Variants in GLP2R observed in about 807,000 individuals in gnomAD.
The protein encoded by GLP2R is glucagon like peptide 2 receptor, also known as glucagon-like peptide 2 receptor.
In GLP2R, 59 loss-of-function variants were observed where a neutral mutation model predicts 68.2. The ratio of observed to expected loss-of-function variants is 0.87; its 90% confidence interval spans 0.70 to 1.07. GLP2R has a LOEUF of 1.07. Ranked by LOEUF, GLP2R falls within the 50% of genes least tolerant of loss-of-function variation. The pLI, the probability that GLP2R is intolerant of heterozygous loss-of-function variation, is 0.00. For missense variants in GLP2R, 548 were observed against 677.4 expected, an observed-to-expected ratio of 0.81 and a Z score of 2.12; for synonymous variants, 270 against 265.4, an observed-to-expected ratio of 1.02 and a Z score of -0.17.
intron 7 of GLP2R, 70 bp from the exon 8 acceptor site, chr17:9,861,069 C>A: frequency 9.4e-7 from 1 of 1,061,162 alleles, no homozygotes; most frequent in Non-Finnish European, 1.5e-6. Flanking sequence ...TAGCCTCATC[C>A]GCTGTGGTGG....
In GLP2R at chr17:9,890,418, CCT is replaced by C. The variant is rs202065120; in HGVS notation, c.*724_*725del. On this transcript the variant is annotated 3_prime_UTR_variant, in exon 13 of 13. Coordinates refer to ENST00000262441, the MANE Select transcript of GLP2R (RefSeq NM_004246.3). ...GCTCTTCCTCTCCTATCAAGTCTTG[CCT>C]CTCTCTCTCTTTGCCTCAGTTCTCT... The C allele has an allele frequency of 7.0e-4, 140 of 200,008 alleles. No homozygotes were observed. The highest frequency in any genetic ancestry group is 6.1e-3 in the Middle Eastern group (3 of 492). The allele number at this position is 200,008 out of a possible 1,614,324, so 12.4% of individuals were successfully genotyped here. A position where few individuals can be genotyped will look rare whatever the true frequency, so the allele number is the denominator to read the frequency against.
Position 9,877,474 on chromosome 17 carries a change from A to G in GLP2R, c.1146-2904A>G, listed in dbSNP as rs147449924. Reference sequence around the variant, plus strand: ...TCTGTACTAAACGAAATGTGGGATCAGGGAACAGGAAAAGGACATTAGCGG... The same window carrying G: ...TCTGTACTAAACGAAATGTGGGATCGGGGAACAGGAAAAGGACATTAGCGG... On this transcript the variant is annotated intron_variant, in intron 10 of 12. Coordinates refer to ENST00000262441, the MANE Select transcript of GLP2R (RefSeq NM_004246.3). Among the ~76,000 whole-genome samples the G allele has an allele frequency of 8.3e-4, 126 of 152,370 alleles. 1 individual carries two copies. Among genetic ancestry groups the G allele is most frequent in the African/African-American group, 2.9e-3 (120 of 41,592 alleles).
intron 3 of GLP2R, among the ~76,000 whole-genome samples, chr17:9,839,604 GC>G (rs1291092081): frequency 6.6e-6 from 1 of 151,922 alleles, no homozygotes; most frequent in African/African-American, 2.4e-5. Flanking sequence ...CTCAGATCTG[GC>G]CCCCTCCAGG....
chr17:9,887,910 C>T, intron 11 of GLP2R, 22 bp from the exon 12 acceptor site: 1 of 1,595,794 alleles, frequency 6.3e-7, no homozygotes, highest in Non-Finnish European at 8.6e-7. Flanking sequence ...AGATTTTATG[C>T]CATGTCCTCC....
rs550514039 is a variant in GLP2R at position 9,869,469 on chromosome 17, C to A, written c.1057-1278C>A. 4.6e-5 allele frequency among the ~76,000 whole-genome samples: 7 copies of A among 152,358 alleles called. No individual in the cohort carries two copies. In the South Asian group the frequency reaches 1.4e-3, roughly 32 times the overall value. ...CTCATTCTCCAAGCTCTACCCAAAC[C>A]CAGCCACCTGCTTTTCACCACTTCC... is the stretch of plus-strand genomic sequence containing the variant. On this transcript the variant is annotated intron_variant, in intron 9 of 12. Transcript: ENST00000262441.
chr17:9,831,255 C>A (rs983142506), intron 1 of GLP2R, among the ~76,000 whole-genome samples: 1 of 152,162 alleles, frequency 6.6e-6, no homozygotes, highest in African/African-American at 2.4e-5. Context: ...GTGATATTAG[C>A]CCAGATCATT....
At chr17:9,886,532 C>T (rs1159755507) in intron 11 of GLP2R, among the ~76,000 whole-genome samples, 8 of 152,336 alleles carry the variant, frequency 5.3e-5, no homozygotes, top group African/African-American at 9.6e-5. Flanking sequence ...TTACCTGTCC[C>T]GCCAACCGCA....
In GLP2R at chr17:9,889,961, T is replaced by G; in HGVS notation, c.*256T>G. The G allele has an allele frequency of 1.8e-6, 1 of 559,726 alleles. No homozygotes were observed. The highest frequency in any genetic ancestry group is 1.9e-5 in the African/African-American group (1 of 53,882). 34.7% of individuals were successfully genotyped at this position (559,726 alleles called of 1,614,324 possible). On this transcript the variant is annotated 3_prime_UTR_variant, in exon 13 of 13. Transcript: ENST00000262441. The stretch of plus-strand genomic sequence containing the variant: ...GTTTTCCACAATGCCCACCAGACCC[T>G]AGGGCCTGGCTCTAAATTCAAGCCA...
At chr17:9,848,867 T>TTGTGTG (rs144324194) in intron 4 of GLP2R, among the ~76,000 whole-genome samples, 5,213 of 139,276 alleles carry the variant, frequency 0.037, 287 homozygotes, top group African/African-American at 0.12. Context: ...TTAAAGGAGA[T>TTGTGTG]TGTGTGTGTG....
chr17:9,860,826 G>T (rs1289562462), intron 7 of GLP2R, among the ~76,000 whole-genome samples: 1 of 152,186 alleles, frequency 6.6e-6, no homozygotes, highest in Non-Finnish European at 1.5e-5. Context: ...GGAGAATTTG[G>T]TGCTACAGGA....
intron 6 of GLP2R, among the ~76,000 whole-genome samples, chr17:9,857,868 T>G (rs752990172): frequency 6.6e-6 from 1 of 152,222 alleles, no homozygotes; most frequent in Non-Finnish European, 1.5e-5. Flanking sequence ...TTTACAATTA[T>G]AGCTGGCCCT....
chr17:9,846,578 C>G (rs1013873656), intron 4 of GLP2R, among the ~76,000 whole-genome samples: 1 of 152,168 alleles, frequency 6.6e-6, no homozygotes, highest in South Asian at 2.1e-4. Context: ...ACGATTGTGC[C>G]ACTGCACTCC....
chr17:9,829,680 T>G lies in GLP2R; in HGVS notation c.189+3428T>G, dbSNP rs566528829. Reference sequence around the variant, plus strand: ...AAACATAAAAGGCTTTGAAACAAGATTATTCCCTTTGAAGTCACAATAAAA... The same window carrying G: ...AAACATAAAAGGCTTTGAAACAAGAGTATTCCCTTTGAAGTCACAATAAAA... On this transcript the variant is annotated intron_variant, in intron 1 of 12. Coordinates refer to ENST00000262441, the MANE Select transcript of GLP2R (RefSeq NM_004246.3). Among the ~76,000 whole-genome samples the G allele has an allele frequency of 5.9e-5, 9 of 152,270 alleles. No individual in the cohort carries two copies. In the South Asian group the frequency reaches 1.9e-3, roughly 32 times the overall value.
At chr17:9,884,889 A>G (rs997084262) in intron 11 of GLP2R, among the ~76,000 whole-genome samples, 1 of 151,824 alleles carries the variant, frequency 6.6e-6, no homozygotes. Context: ...GGGAAAAAAA[A>G]CTCTGCAGCT....
rs1020123820 is a variant in GLP2R, at chr17:9,891,339, T to A, written c.*1634T>A. Reference sequence around the variant, plus strand: ...TCTCTAAAAAGCTCAAAGTAAATGATCAAAATAAATCATATTTTAATGCAA... The same window carrying A: ...TCTCTAAAAAGCTCAAAGTAAATGAACAAAATAAATCATATTTTAATGCAA... On this transcript the variant is annotated 3_prime_UTR_variant, in exon 13 of 13. Coordinates refer to ENST00000262441, the MANE Select transcript of GLP2R (RefSeq NM_004246.3). The A allele has an allele frequency of 6.6e-6, 1 of 152,226 alleles. No individual in the cohort carries two copies. Among genetic ancestry groups the A allele is most frequent in the South Asian group, 2.1e-4 (1 of 4,810 alleles). The allele number at this position is 152,226 out of a possible 1,614,324, so 9.4% of individuals were successfully genotyped here.
chr17:9,850,747 G>A (rs1597386283), intron 4 of GLP2R, among the ~76,000 whole-genome samples: 1 of 146,752 alleles, frequency 6.8e-6, no homozygotes, highest in South Asian at 2.2e-4. Context: ...AGGCTGGAGT[G>A]CAATGGTGCA....
Position 9,826,203 on chromosome 17 carries a change from C to G in GLP2R, c.140C>G (p.Ala47Gly), listed in dbSNP as rs2066626871. ...LSFHRKCSLW[A>G]PGRPFLTLVL... ...TTCCACAGGAAGTGCTCTCTCTGGG[C>G]CCCTGGGAGGCCCTTCCTCACTCTG... Residue 47 changes from alanine to glycine, a missense_variant, in exon 1 of 13, where the codon GCC becomes GGC. Physicochemically the swap from Ala to Gly is moderately conservative, Grantham distance 60 (BLOSUM62 0). Transcript: ENST00000262441. 1.2e-6 allele frequency: 2 copies of G among 1,612,852 alleles called. No individual in the cohort carries two copies. The highest frequency in any genetic ancestry group is 1.7e-6 in the Non-Finnish European group (2 of 1,179,646).
At chr17:9,849,113 A>C (rs1243934235) in intron 4 of GLP2R, among the ~76,000 whole-genome samples, 1 of 151,600 alleles carries the variant, frequency 6.6e-6, no homozygotes. Context: ...TTTTAATATA[A>C]TTTATAATAT....
chr17:9,837,031 T>A (rs1371666760), intron 3 of GLP2R, among the ~76,000 whole-genome samples: 4 of 151,954 alleles, frequency 2.6e-5, no homozygotes, highest in Non-Finnish European at 5.9e-5. Flanking sequence ...TTTTTTGTAT[T>A]TTTAGTAGAG....
Sources: gnomAD v4.1 joint callset for allele counts (sites outside exome capture counted in the v4.1 genomes callset) on GRCh38, gnomAD v4.1.1 for gene constraint, MANE v1.5 for transcripts, NCBI Gene and HGNC (gene_info 2026-07-23, HGNC 2026-07-21) for gene names.